The following TEX10 variants were observed in gnomAD, a reference collection of about 807,000 sequenced individuals.
TEX10 encodes testis-expressed protein 10.
Under a neutral mutation model 104.4 loss-of-function variants are expected in TEX10, and 24 were observed. The observed-to-expected ratio is 0.23, with a 90% confidence interval of 0.17 to 0.32. The LOEUF (loss-of-function observed/expected upper bound fraction) is 0.32, where lower values mean the gene tolerates loss of function less well. TEX10 is among the 10% of genes least tolerant of loss of function. The pLI, the probability that TEX10 is intolerant of heterozygous loss-of-function variation, is 1.00. For missense variants in TEX10, 921 were observed against 1,083.9 expected (o/e 0.85, Z 2.11); for synonymous variants, 396 against 393.4 (o/e 1.01, Z -0.08).
intron 10 of TEX10, among the ~76,000 whole-genome samples, chr9:100,321,000 C>G (rs932474160): frequency 2.6e-5 from 4 of 152,270 alleles, no homozygotes; most frequent in South Asian, 2.1e-4. Context: ...CCCTATCTAC[C>G]TTGATGTTCA....
Position 100,308,615 on chromosome 9 carries a change from C to A in TEX10, c.2350G>T (p.Asp784Tyr). 6.2e-7 allele frequency: 1 copy of A among 1,612,458 alleles called. No homozygotes were observed. The change falls in exon 13 of 15, where the codon GAT becomes TAT. Residue 784 changes from aspartate to tyrosine, a missense_variant. Physicochemically the swap from Asp to Tyr is radical, Grantham distance 160 (BLOSUM62 -3). Coordinates refer to ENST00000374902, the MANE Select transcript of TEX10 (RefSeq NM_017746.4). Reference protein sequence around the residue: ...CVFGVICKLLDHTCVVSETLL... With the variant: ...CVFGVICKLLYHTCVVSETLL... Reference sequence around the variant, plus strand: ...GTCTCACTAACTACACAAGTATGATCCAGGAGCTTACAGATAACACCAAAA... The same window carrying A: ...GTCTCACTAACTACACAAGTATGATACAGGAGCTTACAGATAACACCAAAA...
chr9:100,331,118 G>A (rs936880351), intron 5 of TEX10, among the ~76,000 whole-genome samples: 27 of 152,164 alleles, frequency 1.8e-4, no homozygotes, highest in African/African-American at 5.3e-4. Context: ...AAAATTAGCC[G>A]GGTGTGGTGG....
chr9:100,328,837 C>T (rs963356797), intron 7 of TEX10, among the ~76,000 whole-genome samples: 2 of 152,242 alleles, frequency 1.3e-5, no homozygotes, highest in East Asian at 1.9e-4. Context: ...ATTCAACCTC[C>T]GTAATTTTTA....
intron 11 of TEX10, 78 bp downstream of exon 11, chr9:100,320,187 A>G: frequency 7.6e-7 from 1 of 1,307,750 alleles, no homozygotes; most frequent in Non-Finnish European, 1.0e-6. Context: ...CACACAAGGC[A>G]ACTCATATAT....
intron 5 of TEX10, among the ~76,000 whole-genome samples, chr9:100,334,812 G>A (rs1392416087): frequency 6.6e-6 from 1 of 151,942 alleles, no homozygotes; most frequent in Non-Finnish European, 1.5e-5. Flanking sequence ...TTACAGTTGT[G>A]CGCCACCACA....
At chr9:100,335,492 C>T (rs1000435319) in intron 5 of TEX10, among the ~76,000 whole-genome samples, 9 of 152,182 alleles carry the variant, frequency 5.9e-5, no homozygotes, top group African/African-American at 2.2e-4. Context: ...TGAGCCACCA[C>T]ACCCGGACAA....
At chr9:100,352,022 T>TCCG (rs1835465211) in intron 1 of TEX10, among the ~76,000 whole-genome samples, 1 of 151,716 alleles carries the variant, frequency 6.6e-6, no homozygotes, top group Non-Finnish European at 1.5e-5. Flanking sequence ...GTAGGTCTTT[T>TCCG]CTAATTCCAA....
At position 100,346,969 on chromosome 9, in the gene TEX10, C is replaced by G; in HGVS notation, c.618G>C (p.Gln206His). Residue 206 changes from glutamine (Q) to histidine (H), a missense_variant, in exon 3 of 15, where the codon CAG becomes CAC. Physicochemically the swap from Gln to His is conservative, Grantham distance 24. Coordinates refer to ENST00000374902, the MANE Select transcript of TEX10 (RefSeq NM_017746.4). ...TAGGATTTACAGAAAGTATCCAGGA[C>G]TGGGATCTGTCTCTATTTATCAGTC... ...SKGLINRDRS[Q>H]SWILSVNPNR... 2 of 1,614,212 alleles carry G rather than the reference C, an allele frequency of 1.2e-6. No individual in the cohort carries two copies. Among genetic ancestry groups the G allele is most frequent in the Non-Finnish European group, 1.7e-6 (2 of 1,180,034 alleles).
At position 100,317,276 on chromosome 9, in the gene TEX10, A is replaced by G. The variant is rs565748614; in HGVS notation, c.2202+2989T>C. ...ACAAGGCTGTAGTAAACACAACAAC[A>G]TGGTACTGCTATAAAAACAGATGCA... On this transcript the variant is annotated intron_variant, in intron 11 of 14. Transcript: ENST00000374902. Among the ~76,000 whole-genome samples, 4 of 152,294 alleles carry G rather than the reference A, an allele frequency of 2.6e-5. No homozygotes were observed. In the East Asian group the frequency reaches 7.7e-4, roughly 29 times the overall value.
At position 100,337,588 on chromosome 9, in the gene TEX10, G is replaced by A. The variant is rs551188072; in HGVS notation, c.1250+2669C>T. ...CTTTGATTCTGTCCCCTCAACTCCAGAAGCTCCCTAAAACAGTTCTGACTG... is the reference window on the plus strand; with the variant it reads ...CTTTGATTCTGTCCCCTCAACTCCAAAAGCTCCCTAAAACAGTTCTGACTG... On this transcript the variant is annotated intron_variant, in intron 5 of 14. Transcript: ENST00000374902. Among the ~76,000 whole-genome samples the A allele has an allele frequency of 2.6e-5, 4 of 152,284 alleles. No individual in the cohort carries two copies. In the South Asian group the frequency reaches 8.3e-4, roughly 32 times the overall value.
At chr9:100,340,497 T>G in intron 4 of TEX10, 128 bp from the exon 5 acceptor site, 1 of 525,502 alleles carries the variant, frequency 1.9e-6, no homozygotes. Context: ...AGTAATATAA[T>G]ATGTAAATAA....
At chr9:100,333,561 T>C (rs1175352196) in intron 5 of TEX10, among the ~76,000 whole-genome samples, 1 of 150,794 alleles carries the variant, frequency 6.6e-6, no homozygotes, top group Non-Finnish European at 1.5e-5. Context: ...ATCCCAACGC[T>C]TTGGGAGGCT....
chr9:100,329,083 T>C, intron 7 of TEX10, 57 bp downstream of exon 7: 1 of 1,480,270 alleles, frequency 6.8e-7, no homozygotes, highest in East Asian at 2.3e-5. Flanking sequence ...TTTAAATACT[T>C]AGACTACAGA....
intron 11 of TEX10, among the ~76,000 whole-genome samples, chr9:100,314,132 C>T (rs970093572): frequency 1.5e-4 from 22 of 149,478 alleles, no homozygotes; most frequent in South Asian, 4.2e-4. Context: ...CTGTCACCCA[C>T]GCTGGAGTGC....
chr9:100,340,193 A>G, intron 5 of TEX10, 64 bp downstream of exon 5: 1 of 971,062 alleles, frequency 1.0e-6, no homozygotes, highest in South Asian at 2.1e-5. Context: ...AAGGTTAATT[A>G]CTTCCTGATA....
intron 1 of TEX10, chr9:100,352,488 G>A (rs1027834307): frequency 1.3e-6 from 2 of 1,551,238 alleles, no homozygotes; most frequent in South Asian, 1.2e-5. Context: ...TCGGGGAAGT[G>A]GGGCCCGATT....
chr9:100,316,946 AAGAGC>A (rs1834437218), intron 11 of TEX10, among the ~76,000 whole-genome samples: 1 of 151,924 alleles, frequency 6.6e-6, no homozygotes, highest in African/African-American at 2.4e-5. Context: ...AAGGAGGTAA[AAGAGC>A]TCTACAAAGA....
chr9:100,304,063 G>C, intron 13 of TEX10: 2 of 567,676 alleles, frequency 3.5e-6, no homozygotes, highest in South Asian at 4.1e-5. Context: ...ATCTCTACAA[G>C]AAAAACTACA....
intron 9 of TEX10, among the ~76,000 whole-genome samples, chr9:100,326,010 A>G (rs747211709): frequency 1.3e-5 from 2 of 152,182 alleles, no homozygotes; most frequent in Non-Finnish European, 2.9e-5. Flanking sequence ...CCATAACAAC[A>G]AAGGTTTGAA....
Sources: allele counts gnomAD v4.1 joint callset (sites outside exome capture counted in the v4.1 genomes callset), GRCh38; gene constraint gnomAD v4.1.1; transcripts MANE v1.5; gene names NCBI Gene and HGNC (gene_info 2026-07-23, HGNC 2026-07-21).